Variants in SDCBP observed in about 807,000 individuals in gnomAD.
SDCBP encodes syndecan binding protein.
Under a neutral mutation model 30.5 loss-of-function variants are expected in SDCBP, and 22 were observed. The observed-to-expected ratio is 0.72, with a 90% CI of 0.52 to 1.03. The LOEUF (loss-of-function observed/expected upper bound fraction) is 1.03, where lower values mean the gene tolerates loss of function less well. Ranked by LOEUF, SDCBP falls within the 50% of genes least tolerant of loss-of-function variation. The pLI is 0.00. For synonymous variants in SDCBP, 103 were observed against 118.7 expected (o/e 0.87, Z 0.86); for missense variants, 304 against 369.9 (o/e 0.82, Z 1.46).
At chr8:58,580,757 G>A (rs1353219288) in intron 8 of SDCBP, 149 bp downstream of exon 8, 2 of 599,846 alleles carry the variant, frequency 3.3e-6, no homozygotes, top group East Asian at 3.0e-5. Flanking sequence ...TTAAATCAGA[G>A]GGTTGGTAAG....
rs753875952 is a variant in SDCBP, at chr8:58,572,174, G to C, written c.131-31G>C. ...AGTTTTCATTTTGTGTATTCTGTAAGTGCTTTTTAATTTATTCATTTACTT... is the reference window on the plus strand; with the variant it reads ...AGTTTTCATTTTGTGTATTCTGTAACTGCTTTTTAATTTATTCATTTACTT... On this transcript the variant is annotated intron_variant, in intron 3 of 8. Transcript: ENST00000260130. The C allele has an allele frequency of 3.0e-6, 4 of 1,343,574 alleles. No homozygotes were observed. The Admixed American group carries it at 6.8e-5, about 23-fold the overall frequency. The allele number at this position is 1,343,574 out of a possible 1,614,324, so 83.2% of individuals were successfully genotyped here. A position where few individuals can be genotyped will look rare whatever the true frequency, so the allele number is the denominator to read the frequency against.
At chr8:58,554,084 G>T (rs1210760043) in intron 1 of SDCBP, among the ~76,000 whole-genome samples, 1 of 152,176 alleles carries the variant, frequency 6.6e-6, no homozygotes, top group African/African-American at 2.4e-5. Context: ...TTGAGTCATG[G>T]AGTCTTCTAA....
chr8:58,553,450 TC>T (rs1803917394), intron 1 of SDCBP, 147 bp downstream of exon 1: 1 of 153,232 alleles, frequency 6.5e-6, no homozygotes, highest in African/African-American at 2.4e-5. Context: ...CGCCCTCTCC[TC>T]AGGGGGCTCC....
chr8:58,571,269 G>T (rs1242629198), intron 3 of SDCBP, among the ~76,000 whole-genome samples: 1 of 152,112 alleles, frequency 6.6e-6, no homozygotes, highest in African/African-American at 2.4e-5. Context: ...TCACATATGA[G>T]AACTATATGA....
At chr8:58,567,092 A>C (rs1400198519) in intron 2 of SDCBP, among the ~76,000 whole-genome samples, 4 of 151,198 alleles carry the variant, frequency 2.6e-5, no homozygotes, top group African/African-American at 7.3e-5. Context: ...AATGGCAGAA[A>C]CAATAGGCCC....
At chr8:58,562,885 A>G (rs1008122453) in intron 1 of SDCBP, among the ~76,000 whole-genome samples, 4 of 152,176 alleles carry the variant, frequency 2.6e-5, no homozygotes, top group Admixed American at 6.5e-5. Context: ...GAAAAAATGA[A>G]AAGACAATCT....
At chr8:58,556,298 C>T (rs1563501093) in intron 1 of SDCBP, among the ~76,000 whole-genome samples, 1 of 152,136 alleles carries the variant, frequency 6.6e-6, no homozygotes, top group Non-Finnish European at 1.5e-5. Context: ...CAATAGGGTT[C>T]CTGCTCCTGT....
intron 2 of SDCBP, among the ~76,000 whole-genome samples, chr8:58,569,668 C>A (rs1379409875): frequency 1.3e-5 from 2 of 151,616 alleles, no homozygotes; most frequent in East Asian, 3.8e-4. Context: ...CAGTGCCGCA[C>A]AGTATTTTTT....
intron 2 of SDCBP, among the ~76,000 whole-genome samples, chr8:58,565,892 C>A (rs561440067): frequency 6.6e-6 from 1 of 152,214 alleles, no homozygotes; most frequent in South Asian, 2.1e-4. Context: ...TAAACGAAAA[C>A]TCCTTACCCT....
At chr8:58,576,118 T>C in intron 5 of SDCBP, 57 bp downstream of exon 5, 2 of 1,254,792 alleles carry the variant, frequency 1.6e-6, no homozygotes. Flanking sequence ...AATAAGTGAT[T>C]AATGTTAAAA....
Position 58,581,814 on chromosome 8 carries a change from G to A in SDCBP, c.*74G>A, listed in dbSNP as rs1420584782. 1.4e-5 allele frequency: 18 copies of A among 1,259,228 alleles called. No homozygotes were observed. Among genetic ancestry groups the A allele is most frequent in the Non-Finnish European group, 2.1e-5 (18 of 859,482 alleles). 78.0% of individuals were successfully genotyped at this position (1,259,228 alleles called of 1,614,324 possible). ...TTGGCAACTTCTGTATTATGCACGT[G>A]AAGCCTTCCCGGAGCCAGCGAGCAT... On this transcript the variant is annotated 3_prime_UTR_variant, in exon 9 of 9. Transcript: ENST00000260130.
chr8:58,579,888 A>C, intron 7 of SDCBP, 94 bp downstream of exon 7: 2 of 1,232,406 alleles, frequency 1.6e-6, no homozygotes, highest in Non-Finnish European at 2.2e-6. Flanking sequence ...ATATTGACTT[A>C]GGTGGGAGAT....
At chr8:58,558,698 G>A (rs903292761) in intron 1 of SDCBP, among the ~76,000 whole-genome samples, 1 of 152,190 alleles carries the variant, frequency 6.6e-6, no homozygotes, top group African/African-American at 2.4e-5. Flanking sequence ...AGAGTTGAGA[G>A]GAGTTGGGAG....
Position 58,581,641 on chromosome 8 carries a change from CA to C in SDCBP, c.843-40del, listed in dbSNP as rs761057058. Reference sequence around the variant, plus strand: ...TGGATTAATGTAGCATTTTGAAAAACAAAAACCAGAATCTCGGTATATAATA... The same window carrying C: ...TGGATTAATGTAGCATTTTGAAAAACAAAACCAGAATCTCGGTATATAATA... On this transcript the variant is annotated intron_variant, in intron 8 of 8. Transcript: ENST00000260130. The C allele has an allele frequency of 6.7e-6, 10 of 1,503,328 alleles. No individual in the cohort carries two copies. In the East Asian group the frequency reaches 1.6e-4, roughly 24 times the overall value. 93.1% of individuals were successfully genotyped at this position (1,503,328 alleles called of 1,614,324 possible). A position where few individuals can be genotyped will look rare whatever the true frequency, so the allele number is the denominator to read the frequency against.
rs746911935 is a variant in SDCBP, at chr8:58,578,220, C to G, written c.578+12C>G. On this transcript the variant is annotated intron_variant, in intron 6 of 8. Transcript: ENST00000260130. ...ACCATTCGTGACAGGTAAGCTGTTA[C>G]TAAACAGCTCAAATGAAAATTCAAT... 8 of 1,487,616 alleles carry G rather than the reference C, an allele frequency of 5.4e-6. No individual in the cohort carries two copies. The Admixed American group carries it at 2.0e-4, about 37-fold the overall frequency. The allele number at this position is 1,487,616 out of a possible 1,614,324, so 92.2% of individuals were successfully genotyped here.
At chr8:58,555,551 G>T (rs917583994) in intron 1 of SDCBP, among the ~76,000 whole-genome samples, 2 of 152,140 alleles carry the variant, frequency 1.3e-5, no homozygotes, top group African/African-American at 4.8e-5. Flanking sequence ...GTCCTTCCGT[G>T]AAATCTGTGT....
At chr8:58,572,423 C>A in intron 4 of SDCBP, 109 bp downstream of exon 4, 2 of 659,652 alleles carry the variant, frequency 3.0e-6, no homozygotes, top group Non-Finnish European at 5.2e-6. Context: ...CATTGAACCT[C>A]ACTTCTCAGA....
chr8:58,567,851 A>G (rs1204460745), intron 2 of SDCBP, among the ~76,000 whole-genome samples: 1 of 152,216 alleles, frequency 6.6e-6, no homozygotes, highest in Non-Finnish European at 1.5e-5. Flanking sequence ...GTATTTGTGT[A>G]TCTAAACACA....
intron 6 of SDCBP, chr8:58,578,450 G>A: frequency 3.2e-6 from 1 of 316,386 alleles, no homozygotes; most frequent in Non-Finnish European, 5.8e-6. Flanking sequence ...AACGTATGTT[G>A]GAGAAGTAAC....
Sources: gnomAD v4.1 joint callset for allele counts (sites outside exome capture counted in the v4.1 genomes callset) on GRCh38, gnomAD v4.1.1 for gene constraint, MANE v1.5 for transcripts, NCBI Gene and HGNC (gene_info 2026-07-23, HGNC 2026-07-21) for gene names.